The following SOX1 variants were observed in gnomAD, a reference collection of about 807,000 sequenced individuals.
SOX1 encodes the protein transcription factor SOX-1.
SOX1 carries 1 observed loss-of-function variant against 0.9 expected under a neutral mutation model. That is an observed-to-expected ratio of 1.07 (90% CI 0.38 to 5.06). The LOEUF is 5.06. Ranked by LOEUF, SOX1 falls within the 30% of genes most tolerant of loss-of-function variation. The probability of loss-of-function intolerance (pLI) is 0.16; values close to 1 mark genes in which losing one functional copy is unlikely to be tolerated. For synonymous variants in SOX1, 397 were observed against 265.5 expected, an observed-to-expected ratio of 1.50 and a Z score of -4.81; for missense variants, 564 against 534.4, an observed-to-expected ratio of 1.06 and a Z score of -0.55.
In SOX1 at chr13:112,070,582, G is replaced by A. The variant is rs1261038713; in HGVS notation, c.*1748G>A. The A allele has an allele frequency of 1.8e-5, 3 of 166,712 alleles. No individual in the cohort carries two copies. The highest frequency in any genetic ancestry group is 4.1e-4 in the South Asian group (2 of 4,828). The allele number at this position is 166,712 out of a possible 1,614,324, so 10.3% of individuals were successfully genotyped here. A position where few individuals can be genotyped will look rare whatever the true frequency, so the allele number is the denominator to read the frequency against. ...ACACTTGAAGCCCAGATGGAAATACGTTTATTTCAGCAGCCTTAGGTTTCC... is the reference window on the plus strand; with the variant it reads ...ACACTTGAAGCCCAGATGGAAATACATTTATTTCAGCAGCCTTAGGTTTCC... On this transcript the variant is annotated 3_prime_UTR_variant, in exon 1 of 1. Transcript: ENST00000330949.
In SOX1 at chr13:112,069,892, C is replaced by A. The variant is rs567463117; in HGVS notation, c.*1058C>A. 1 of 167,248 alleles carries A rather than the reference C, an allele frequency of 6.0e-6. No individual in the cohort carries two copies. The highest frequency in any genetic ancestry group is 2.4e-5 in the African/African-American group (1 of 41,558). 10.4% of individuals were successfully genotyped at this position (167,248 alleles called of 1,614,324 possible). On this transcript the variant is annotated 3_prime_UTR_variant, in exon 1 of 1. Coordinates refer to ENST00000330949, the MANE Select transcript of SOX1 (RefSeq NM_005986.3). ...TCTGCTCCGGCTGTTTCACTGCGGA[C>A]GGCTGGGGCTGCTGCGCGTTACCTT...
Position 112,068,606 on chromosome 13 carries a change from T to G in SOX1, c.948T>G (p.Ser316=), listed in dbSNP as rs1026924596. The G allele has an allele frequency of 8.9e-7, 1 of 1,127,676 alleles. No homozygotes were observed. The highest frequency in any genetic ancestry group is 1.1e-6 in the Non-Finnish European group (1 of 923,554). The allele number at this position is 1,127,676 out of a possible 1,614,324, so 69.9% of individuals were successfully genotyped here. The change falls in exon 1 of 1, where the codon TCT becomes TCG. Residue 316 remains serine (S), a synonymous_variant. Transcript: ENST00000330949. The surrounding 1 kb of genome is among the most constrained non-coding windows in gnomAD (Gnocchi z 6.9). ...ASSGALGALG[S]LVKSEPSGSP... is the part of the protein sequence containing the mutation. ...CGGGCGCCCTGGGCGCGCTGGGCTC[T>G]CTGGTGAAGTCGGAGCCCAGCGGCA...
chr13:112,068,326 A>G lies in SOX1; in HGVS notation c.668A>G (p.His223Arg). 1 of 1,107,976 alleles carries G rather than the reference A, an allele frequency of 9.0e-7. No individual in the cohort carries two copies. Among genetic ancestry groups the G allele is most frequent in the South Asian group, 2.6e-5 (1 of 39,050 alleles). The allele number at this position is 1,107,976 out of a possible 1,614,324, so 68.6% of individuals were successfully genotyped here. ...CAGCACCCGGGCGCGGGCGGCGCGC[A>G]CCCGCACGCGCACCCCGCGCACCCG... The part of the protein sequence containing the change: ...YGQHPGAGGA[H>R]PHAHPAHPHP... Residue 223 changes from histidine to arginine, a missense_variant, in exon 1 of 1, where the codon CAC becomes CGC. By Grantham distance (29) the His-to-Arg change is conservative (BLOSUM62 0). Transcript: ENST00000330949. The surrounding 1 kb of genome is among the most constrained non-coding windows in gnomAD (Gnocchi z 6.9).
rs1880788026 is a variant in SOX1 at position 112,068,376 on chromosome 13, C to T, written c.718C>T (p.Pro240Ser). Residue 240 changes from proline (P) to serine (S), a missense_variant, in exon 1 of 1, where the codon CCG (proline) becomes TCG (serine). Physicochemically the swap from Pro to Ser is moderately conservative, Grantham distance 74. Transcript: ENST00000330949. The surrounding 1 kb of genome is among the most constrained non-coding windows in gnomAD (Gnocchi z 6.9). ...HPHPHHPHAH[P>S]HNPQPMHRYD... ...GCACCCGCACCACCCGCACGCGCAC[C>T]CGCACAACCCGCAGCCCATGCACCG... 2 of 1,280,320 alleles carry T rather than the reference C, an allele frequency of 1.6e-6. No individual in the cohort carries two copies. Among genetic ancestry groups the T allele is most frequent in the Non-Finnish European group, 2.0e-6 (2 of 992,922 alleles). The allele number at this position is 1,280,320 out of a possible 1,614,324, so 79.3% of individuals were successfully genotyped here.
chr13:112,068,549 GGC>G lies in SOX1; in HGVS notation c.893_894del (p.Ala298GlyfsTer162). On this transcript the variant is annotated frameshift_variant, in exon 1 of 1. Transcript: ENST00000330949. LOFTEE classifies it low-confidence loss of function (END_TRUNC). The surrounding 1 kb of genome is among the most constrained non-coding windows in gnomAD (Gnocchi z 6.9). ...GCGGCGCGCACCAGAACTCGGCCGT[GGC>G]GGCGGCGGCGGCGGCGGCGGCCGCG... ...AGGAHQNSAV[A>X]AAAAAAAASS... is the part of the protein sequence containing the mutation. The G allele has an allele frequency of 1.1e-6, 1 of 885,736 alleles. No homozygotes were observed. Among genetic ancestry groups the G allele is most frequent in the Non-Finnish European group, 1.3e-6 (1 of 740,956 alleles). 54.9% of individuals were successfully genotyped at this position (885,736 alleles called of 1,614,324 possible). A position where few individuals can be genotyped will look rare whatever the true frequency, so the allele number is the denominator to read the frequency against.
rs1241809340 is a variant in SOX1, at chr13:112,067,545, A to AC, written c.-107dup. 56 of 279,818 alleles carry AC rather than the reference A, an allele frequency of 2.0e-4. No homozygotes were observed. In the East Asian group the frequency reaches 2.4e-3, roughly 12 times the overall value. 17.3% of individuals were successfully genotyped at this position (279,818 alleles called of 1,614,324 possible). On this transcript the variant is annotated 5_prime_UTR_variant, in exon 1 of 1. Coordinates refer to ENST00000330949, the MANE Select transcript of SOX1 (RefSeq NM_005986.3). The surrounding 1 kb of genome is among the most constrained non-coding windows in gnomAD (Gnocchi z 5.1). ...CCTCCCCATTCTTCTCTCCGCTAGGACCCCCCCGCCCCCGTCTCACTCCGT... is the reference window on the plus strand; with the variant it reads ...CCTCCCCATTCTTCTCTCCGCTAGGACCCCCCCCGCCCCCGTCTCACTCCGT...
In SOX1 at chr13:112,068,196, G is replaced by A; in HGVS notation, c.538G>A (p.Gly180Ser). The change falls in exon 1 of 1, where the codon GGC becomes AGC. Residue 180 changes from glycine to serine, a missense_variant. Transcript: ENST00000330949. The surrounding 1 kb of genome is among the most constrained non-coding windows in gnomAD (Gnocchi z 6.9). ...GAGCCCAGGCGGCGCGGCGGGCGGCGGCTACGCGCACGTCAACGGCTGGGC... is the reference window on the plus strand; with the variant it reads ...GAGCCCAGGCGGCGCGGCGGGCGGCAGCTACGCGCACGTCAACGGCTGGGC... ...LESPGGAAGG[G>S]YAHVNGWANG... 2.5e-6 allele frequency: 2 copies of A among 807,434 alleles called. No individual in the cohort carries two copies. The highest frequency in any genetic ancestry group is 3.0e-6 in the Non-Finnish European group (2 of 665,890). 50.0% of individuals were successfully genotyped at this position (807,434 alleles called of 1,614,324 possible).
chr13:112,068,257 C>G lies in SOX1; in HGVS notation c.599C>G (p.Ala200Gly). Residue 200 changes from alanine (A) to glycine (G), a missense_variant, in exon 1 of 1, where the codon GCG becomes GGG. By Grantham distance (60) the Ala-to-Gly change is moderately conservative. Transcript: ENST00000330949. This position sits in a 1 kb window ranked among gnomAD's most constrained non-coding sequence, Gnocchi z 6.9. ...GAYPGSVAAAAAAAAMMQEAQ... is the reference protein window; with the variant it reads ...GAYPGSVAAAGAAAAMMQEAQ... ...TACCCCGGCTCGGTGGCGGCGGCGG[C>G]GGCGGCCGCGGCCATGATGCAGGAG... 1.3e-6 allele frequency: 1 copy of G among 761,274 alleles called. No homozygotes were observed. The highest frequency in any genetic ancestry group is 5.6e-5 in the South Asian group (1 of 17,816). The allele number at this position is 761,274 out of a possible 1,614,324, so 47.2% of individuals were successfully genotyped here. A position where few individuals can be genotyped will look rare whatever the true frequency, so the allele number is the denominator to read the frequency against.
rs750745411 is a variant in SOX1 at position 112,067,766 on chromosome 13, GGGCGGCGGCGGC to G, written c.114_125del (p.Gly40_Gly43del). The G allele has an allele frequency of 7.9e-7, 1 of 1,273,714 alleles. No individual in the cohort carries two copies. Among genetic ancestry groups the G allele is most frequent in the Non-Finnish European group, 1.0e-6 (1 of 1,002,788 alleles). The allele number at this position is 1,273,714 out of a possible 1,614,324, so 78.9% of individuals were successfully genotyped here. A position where few individuals can be genotyped will look rare whatever the true frequency, so the allele number is the denominator to read the frequency against. On this transcript the variant is annotated inframe_deletion, in exon 1 of 1. Coordinates refer to ENST00000330949, the MANE Select transcript of SOX1 (RefSeq NM_005986.3). This position sits in a 1 kb window ranked among gnomAD's most constrained non-coding sequence, Gnocchi z 5.1. Reference sequence around the variant, plus strand: ...CGGGCGGCGGCGGGGGCGGAGGCGGGGGCGGCGGCGGCGGCGGGGGCGCCAAGGCCAACCAGG... The same window carrying G: ...CGGGCGGCGGCGGGGGCGGAGGCGGGGGCGGGGGCGCCAAGGCCAACCAGG...
chr13:112,067,907 G>A lies in SOX1; in HGVS notation c.249G>A (p.Lys83=), dbSNP rs1880765717. The change falls in exon 1 of 1, where the codon AAG becomes AAA. Residue 83 remains lysine, a synonymous_variant. Coordinates refer to ENST00000330949, the MANE Select transcript of SOX1 (RefSeq NM_005986.3). The surrounding 1 kb of genome is among the most constrained non-coding windows in gnomAD (Gnocchi z 5.1). ...AGATGCACAACTCGGAGATCAGCAAGCGCCTGGGGGCCGAGTGGAAGGTCA... is the reference window on the plus strand; with the variant it reads ...AGATGCACAACTCGGAGATCAGCAAACGCCTGGGGGCCGAGTGGAAGGTCA... ...NPKMHNSEIS[K]RLGAEWKVMS... 1.9e-6 allele frequency: 3 copies of A among 1,608,274 alleles called. No homozygotes were observed. Among genetic ancestry groups the A allele is most frequent in the African/African-American group, 1.3e-5 (1 of 74,624 alleles).
chr13:112,068,115 G>T lies in SOX1; in HGVS notation c.457G>T (p.Val153Leu). Residue 153 changes from valine to leucine, a missense_variant, in exon 1 of 1, where the codon GTG becomes TTG. Val to Leu is a conservative substitution (Grantham distance 32). Coordinates refer to ENST00000330949, the MANE Select transcript of SOX1 (RefSeq NM_005986.3). This position sits in a 1 kb window ranked among gnomAD's most constrained non-coding sequence, Gnocchi z 6.9. ...CGGCGCGGGTGGCGGCGGCGCGGCT[G>T]TGGCCATGGGCGTGGGCGTGGGCGT... is the stretch of plus-strand genomic sequence containing the variant. ...AAGAGGGGAA[V>L]AMGVGVGVGA... is the part of the protein sequence containing the mutation. 7.4e-7 allele frequency: 1 copy of T among 1,359,660 alleles called. No homozygotes were observed. The highest frequency in any genetic ancestry group is 9.5e-7 in the Non-Finnish European group (1 of 1,049,448). The allele number at this position is 1,359,660 out of a possible 1,614,324, so 84.2% of individuals were successfully genotyped here. A position where few individuals can be genotyped will look rare whatever the true frequency, so the allele number is the denominator to read the frequency against.
chr13:112,069,456 T>G lies in SOX1; in HGVS notation c.*622T>G, dbSNP rs76810115. On this transcript the variant is annotated 3_prime_UTR_variant, in exon 1 of 1. Coordinates refer to ENST00000330949, the MANE Select transcript of SOX1 (RefSeq NM_005986.3). ...ATCTGAGCATTTCCATTTTTTTTTTTGGGTTTTGTATTATTTCTTGTAAAT... is the reference window on the plus strand; with the variant it reads ...ATCTGAGCATTTCCATTTTTTTTTTGGGGTTTTGTATTATTTCTTGTAAAT... 0.011 allele frequency: 1,884 copies of G among 166,128 alleles called. 11 individuals carry two copies. Among genetic ancestry groups the G allele is most frequent in the African/African-American group, 0.016 (639 of 41,020 alleles). The allele number at this position is 166,128 out of a possible 1,614,324, so 10.3% of individuals were successfully genotyped here.
chr13:112,071,093 C>G lies in SOX1; in HGVS notation c.*2259C>G, dbSNP rs1340169264. Among the ~76,000 whole-genome samples the G allele has an allele frequency of 6.6e-6, 1 of 152,236 alleles. No individual in the cohort carries two copies. The highest frequency in any genetic ancestry group is 2.4e-5 in the African/African-American group (1 of 41,464). Reference sequence around the variant, plus strand: ...TCCAATGGGACCTTGAGGGTTTTCTCTGAAATATACAAACTTAAAGGACTC... The same window carrying G: ...TCCAATGGGACCTTGAGGGTTTTCTGTGAAATATACAAACTTAAAGGACTC... On this transcript the variant is annotated 3_prime_UTR_variant, in exon 1 of 1. Coordinates refer to ENST00000330949, the MANE Select transcript of SOX1 (RefSeq NM_005986.3).
rs1192291383 is a variant in SOX1, at chr13:112,068,369, C to T, written c.711C>T (p.His237=). Residue 237 remains histidine (H), a synonymous_variant, in exon 1 of 1, where the codon CAC becomes CAT. Coordinates refer to ENST00000330949, the MANE Select transcript of SOX1 (RefSeq NM_005986.3). The surrounding 1 kb of genome is among the most constrained non-coding windows in gnomAD (Gnocchi z 6.9). The stretch of plus-strand genomic sequence containing the variant: ...CGCACCCGCACCCGCACCACCCGCA[C>T]GCGCACCCGCACAACCCGCAGCCCA... ...HPAHPHPHHP[H]AHPHNPQPMH... is the part of the protein sequence containing the mutation. The T allele has an allele frequency of 2.5e-5, 32 of 1,272,718 alleles. No homozygotes were observed. Among genetic ancestry groups the T allele is most frequent in the East Asian group, 5.0e-5 (1 of 20,146 alleles). 78.8% of individuals were successfully genotyped at this position (1,272,718 alleles called of 1,614,324 possible). A position where few individuals can be genotyped will look rare whatever the true frequency, so the allele number is the denominator to read the frequency against.
rs1594122836 is a variant in SOX1 at position 112,067,165 on chromosome 13, A to C, written c.-494A>C. Among the ~76,000 whole-genome samples the C allele has an allele frequency of 7.5e-6, 1 of 133,288 alleles. No individual in the cohort carries two copies. The highest frequency in any genetic ancestry group is 7.9e-5 in the Admixed American group (1 of 12,688). The allele number at this position is 133,288 out of a possible 152,430, so 87.4% of individuals were successfully genotyped here. ...CCTGGGACCAGCACATGCCCAGCGCACGCGGCGCGCCGCCCTGCTAGAAGT... is the reference window on the plus strand; with the variant it reads ...CCTGGGACCAGCACATGCCCAGCGCCCGCGGCGCGCCGCCCTGCTAGAAGT... On this transcript the variant is annotated 5_prime_UTR_variant, in exon 1 of 1. Coordinates refer to ENST00000330949, the MANE Select transcript of SOX1 (RefSeq NM_005986.3). The surrounding 1 kb of genome is among the most constrained non-coding windows in gnomAD (Gnocchi z 5.1).
chr13:112,068,814 G>T lies in SOX1; in HGVS notation c.1156G>T (p.Val386Leu). 8.1e-7 allele frequency: 1 copy of T among 1,229,120 alleles called. No homozygotes were observed. Among genetic ancestry groups the T allele is most frequent in the Non-Finnish European group, 1.0e-6 (1 of 981,674 alleles). The allele number at this position is 1,229,120 out of a possible 1,614,324, so 76.1% of individuals were successfully genotyped here. A position where few individuals can be genotyped will look rare whatever the true frequency, so the allele number is the denominator to read the frequency against. The change falls in exon 1 of 1, where the codon GTG (valine) becomes TTG (leucine). Residue 386 changes from valine to leucine, a missense_variant. Transcript: ENST00000330949. The surrounding 1 kb of genome is among the most constrained non-coding windows in gnomAD (Gnocchi z 6.9). Reference sequence around the variant, plus strand: ...CGCGGGCGCGGGCGTGAACGGCACGGTGCCCCTGACGCACATCTAGCGCCT... The same window carrying T: ...CGCGGGCGCGGGCGTGAACGGCACGTTGCCCCTGACGCACATCTAGCGCCT... ...QGAGAGVNGT[V>L]PLTHI
rs1875845797 is a variant in SOX1 at position 112,070,805 on chromosome 13, G to C, written c.*1971G>C. On this transcript the variant is annotated 3_prime_UTR_variant, in exon 1 of 1. Transcript: ENST00000330949. The stretch of plus-strand genomic sequence containing the variant: ...GCTTAAACCACTCATTCGTTAAAGT[G>C]ATTACAAAAAAGTTCAAGAATGATG... Among the ~76,000 whole-genome samples the C allele has an allele frequency of 6.6e-6, 1 of 152,042 alleles. No homozygotes were observed. Among genetic ancestry groups the C allele is most frequent in the African/African-American group, 2.4e-5 (1 of 41,320 alleles).
Position 112,068,836 on chromosome 13 carries a change from G to T in SOX1, c.*2G>T. The T allele has an allele frequency of 8.2e-7, 1 of 1,218,068 alleles. No individual in the cohort carries two copies. 75.5% of individuals were successfully genotyped at this position (1,218,068 alleles called of 1,614,324 possible). A position where few individuals can be genotyped will look rare whatever the true frequency, so the allele number is the denominator to read the frequency against. On this transcript the variant is annotated 3_prime_UTR_variant, in exon 1 of 1. Transcript: ENST00000330949. The surrounding 1 kb of genome is among the most constrained non-coding windows in gnomAD (Gnocchi z 6.9). ...ACGGTGCCCCTGACGCACATCTAGC[G>T]CCTTCGGGACGCCGGGGACTCTGCG...
Position 112,067,157 on chromosome 13 carries a change from C to G in SOX1, c.-502C>G, listed in dbSNP as rs962695427. ...CCCGGGCACCTGGGACCAGCACATG[C>G]CCAGCGCACGCGGCGCGCCGCCCTG... On this transcript the variant is annotated 5_prime_UTR_variant, in exon 1 of 1. Transcript: ENST00000330949. The surrounding 1 kb of genome is among the most constrained non-coding windows in gnomAD (Gnocchi z 5.1). Among the ~76,000 whole-genome samples the G allele has an allele frequency of 6.7e-6, 1 of 150,310 alleles. No individual in the cohort carries two copies. Among genetic ancestry groups the G allele is most frequent in the Non-Finnish European group, 1.5e-5 (1 of 67,464 alleles).
Sources: gnomAD v4.1 joint callset for allele counts (sites outside exome capture counted in the v4.1 genomes callset) on GRCh38, gnomAD v4.1.1 for gene constraint, Gnocchi (gnomAD v3.1) non-coding constraint, MANE v1.5 for transcripts, NCBI Gene and HGNC (gene_info 2026-07-23, HGNC 2026-07-21) for gene names.